NPAS3: variants seen among roughly 807,000 people sequenced by gnomAD.
NPAS3 encodes neuronal PAS domain-containing protein 3.
A neutral mutation model predicts 73.1 loss-of-function variants in NPAS3; 14 were observed. That is an observed-to-expected ratio of 0.19 (90% confidence interval 0.13 to 0.30). The LOEUF (loss-of-function observed/expected upper bound fraction) is 0.30, where lower values mean the gene tolerates loss of function less well. Among genes scored for constraint, NPAS3 ranks in the 10% least tolerant of loss-of-function variants. The pLI, the probability that NPAS3 is intolerant of heterozygous loss-of-function variation, is 1.00. For synonymous variants in NPAS3, 620 were observed against 541.5 expected (o/e 1.14, Z -2.01); for missense variants, 1,096 against 1,250.0 (o/e 0.88, Z 1.86).
intron 9 of NPAS3, among the ~76,000 whole-genome samples, chr14:33,790,113 T>C (rs1031835332): frequency 6.6e-6 from 1 of 152,218 alleles, no homozygotes; most frequent in Non-Finnish European, 1.5e-5. Flanking sequence ...TCTCCCTCTG[T>C]TCCTTTCCCT....
At chr14:33,199,901 T>A (rs1308674961) in intron 2 of NPAS3, among the ~76,000 whole-genome samples, 2 of 152,154 alleles carry the variant, frequency 1.3e-5, no homozygotes, top group African/African-American at 4.8e-5. Context: ...AACACGTACT[T>A]ATCGAAGACA....
chr14:33,090,044 A>G (rs1482153605), intron 2 of NPAS3, among the ~76,000 whole-genome samples: 2 of 152,214 alleles, frequency 1.3e-5, no homozygotes, highest in Non-Finnish European at 2.9e-5. Context: ...CTGCAAAAAC[A>G]TGTCAAAATG....
At chr14:32,937,340 G>A (rs930407838), upstream of NPAS3, among the ~76,000 whole-genome samples, 2 of 152,096 alleles carry the variant, frequency 1.3e-5, no homozygotes, top group Non-Finnish European at 2.9e-5. Context: ...AGTCCGCCGC[G>A]GGAGTGACAG....
intron 2 of NPAS3, among the ~76,000 whole-genome samples, chr14:33,083,209 A>AT (rs2041918025): frequency 2.3e-5 from 1 of 43,486 alleles, no homozygotes; most frequent in African/African-American, 9.6e-5. Context: ...AAAAAAAAAA[A>AT]AAAAAGAAGG....
intron 4 of NPAS3, among the ~76,000 whole-genome samples, chr14:33,387,500 G>T (rs559674041): frequency 6.6e-6 from 1 of 152,222 alleles, no homozygotes; most frequent in Non-Finnish European, 1.5e-5. Flanking sequence ...ATTTTCCCAG[G>T]ATATTACATG....
chr14:33,029,749 T>C (rs892523990), intron 1 of NPAS3, among the ~76,000 whole-genome samples: 3 of 152,174 alleles, frequency 2.0e-5, no homozygotes, highest in African/African-American at 7.2e-5. Flanking sequence ...ATTACTGGCA[T>C]AACAGTGGTG....
At chr14:33,672,161 A>T (rs1273936811) in intron 5 of NPAS3, among the ~76,000 whole-genome samples, 1 of 152,248 alleles carries the variant, frequency 6.6e-6, no homozygotes, top group African/African-American at 2.4e-5. Flanking sequence ...TATGAAAGAC[A>T]GACACTATTC....
intron 5 of NPAS3, among the ~76,000 whole-genome samples, chr14:33,636,827 G>T (rs537784527): frequency 1.3e-5 from 2 of 151,856 alleles, no homozygotes; most frequent in South Asian, 2.1e-4. Context: ...TGAAAATCTT[G>T]TTGTCAGGAA....
Position 33,034,965 on chromosome 14 carries a change from A to C in NPAS3, c.51-20940A>C, listed in dbSNP as rs12100602. Reference sequence around the variant, plus strand: ...CTTTTAAGATCATCTGTCAGTTTATAAGAAGTCAATTTCATAGAAAAAATA... The same window carrying C: ...CTTTTAAGATCATCTGTCAGTTTATCAGAAGTCAATTTCATAGAAAAAATA... On this transcript the variant is annotated intron_variant, in intron 1 of 11. Coordinates refer to ENST00000356141, the Ensembl canonical transcript of NPAS3. 6.1e-3 allele frequency among the ~76,000 whole-genome samples: 924 copies of C among 152,318 alleles called. 8 individuals are homozygous for C. Among genetic ancestry groups the C allele is most frequent in the African/African-American group, 0.021 (853 of 41,564 alleles).
At chr14:33,332,986 G>A (rs2133891) in intron 3 of NPAS3, among the ~76,000 whole-genome samples, 99,139 of 152,148 alleles carry the variant, frequency 0.65, 32,744 homozygotes, top group Non-Finnish European at 0.68. Flanking sequence ...TTCAATTACT[G>A]AGCAAATAAT....
intron 7 of NPAS3, among the ~76,000 whole-genome samples, chr14:33,754,815 G>A (rs1393949145): frequency 6.6e-6 from 1 of 152,142 alleles, no homozygotes; most frequent in African/African-American, 2.4e-5. Context: ...ACTATTGTGA[G>A]GTACACCTGA....
intron 1 of NPAS3, among the ~76,000 whole-genome samples, chr14:33,006,355 C>T (rs552016192): frequency 6.6e-6 from 1 of 152,100 alleles, no homozygotes; most frequent in Non-Finnish European, 1.5e-5. Context: ...CTGTCCTGGG[C>T]AAACTGGATC....
intron 9 of NPAS3, among the ~76,000 whole-genome samples, chr14:33,784,341 A>G (rs2063075842): frequency 6.6e-6 from 1 of 152,254 alleles, no homozygotes; most frequent in Admixed American, 6.5e-5. Context: ...GAGCTTACAT[A>G]CTAATAGAGA....
chr14:33,337,698 G>A (rs1464958667), intron 3 of NPAS3, among the ~76,000 whole-genome samples: 5 of 151,936 alleles, frequency 3.3e-5, no homozygotes, highest in Non-Finnish European at 5.9e-5. Flanking sequence ...TGAATACTGA[G>A]TCTCTCAACC....
intron 5 of NPAS3, among the ~76,000 whole-genome samples, chr14:33,628,894 A>G (rs935897106): frequency 3.9e-5 from 6 of 152,218 alleles, no homozygotes; most frequent in Non-Finnish European, 5.9e-5. Flanking sequence ...TGGGAAATCA[A>G]TAATACCTTC....
rs141941361 is a variant in NPAS3 at position 33,591,759 on chromosome 14, C to T, written c.558+31549C>T. On this transcript the variant is annotated intron_variant, in intron 5 of 11. Transcript: ENST00000356141. Reference sequence around the variant, plus strand: ...GCACAGTCAAATCTCTTGATCTCAGCGTATTATCCTCATTTTCTTCTTGAG... The same window carrying T: ...GCACAGTCAAATCTCTTGATCTCAGTGTATTATCCTCATTTTCTTCTTGAG... 7.0e-4 allele frequency among the ~76,000 whole-genome samples: 106 copies of T among 152,238 alleles called. No individual in the cohort carries two copies. The East Asian group carries it at 8.9e-3, about 13-fold the overall frequency.
chr14:33,597,955 T>C (rs1173904654), intron 5 of NPAS3, among the ~76,000 whole-genome samples: 1 of 152,216 alleles, frequency 6.6e-6, no homozygotes, highest in African/African-American at 2.4e-5. Context: ...TACCCATGCT[T>C]CCTCCAAAGT....
At chr14:33,470,825 T>C (rs1411289511) in intron 4 of NPAS3, among the ~76,000 whole-genome samples, 1 of 152,046 alleles carries the variant, frequency 6.6e-6, no homozygotes, top group Non-Finnish European at 1.5e-5. Context: ...TTAAGAAAGA[T>C]GGTGACCATT....
At chr14:33,659,352 C>T (rs1040613652) in intron 5 of NPAS3, among the ~76,000 whole-genome samples, 1 of 152,242 alleles carries the variant, frequency 6.6e-6, no homozygotes, top group Non-Finnish European at 1.5e-5. Context: ...CTAGAGTCTA[C>T]GTTAATGACC....
Sources: gnomAD v4.1 joint callset for allele counts (sites outside exome capture counted in the v4.1 genomes callset) on GRCh38, gnomAD v4.1.1 for gene constraint, MANE v1.5 for transcripts, NCBI Gene and HGNC (gene_info 2026-07-23, HGNC 2026-07-21) for gene names.